The following CYRIB variants were observed in gnomAD, a reference collection of about 807,000 sequenced individuals.
The protein encoded by CYRIB is CYFIP related Rac1 interactor B.
In CYRIB, 8 loss-of-function variants were observed where a neutral mutation model predicts 44.2. The observed-to-expected ratio is 0.18, with a 90% CI of 0.11 to 0.33. CYRIB has a LOEUF of 0.33. Ranked by LOEUF, CYRIB falls within the 10% of genes least tolerant of loss-of-function variation. The pLI is 1.00. For synonymous variants in CYRIB, 131 were observed against 127.2 expected, an observed-to-expected ratio of 1.03 and a Z score of -0.20; for missense variants, 185 against 382.8, an observed-to-expected ratio of 0.48 and a Z score of 4.31.
intron 1 of CYRIB, among the ~76,000 whole-genome samples, chr8:129,998,043 C>T (rs564132927): frequency 2.0e-5 from 3 of 149,998 alleles, no homozygotes; most frequent in African/African-American, 7.4e-5. Flanking sequence ...ATCGTCTGAA[C>T]TCGGGAGGCA....
chr8:129,852,417 T>TA, intron 7 of CYRIB, 139 bp from the exon 10 acceptor site: 3 of 412,976 alleles, frequency 7.3e-6, no homozygotes, highest in Non-Finnish European at 4.2e-6. Flanking sequence ...ATATTCTTTT[T>TA]AAAAAAAAGT....
chr8:129,963,951 C>G (rs1374007256), intron 2 of CYRIB, among the ~76,000 whole-genome samples: 1 of 152,182 alleles, frequency 6.6e-6, no homozygotes, highest in Non-Finnish European at 1.5e-5. Context: ...CACATCACAA[C>G]AGCATCAAAA....
At position 129,911,661 on chromosome 8, in the gene CYRIB, TGTG is replaced by T. The variant is rs57771886; in HGVS notation, c.-49-8314_-49-8312del. 1.1e-4 allele frequency among the ~76,000 whole-genome samples: 17 copies of T among 151,552 alleles called. No individual in the cohort carries two copies. The East Asian group carries it at 3.1e-3, about 28-fold the overall frequency. On this transcript the variant is annotated intron_variant, in intron 1 of 11. Transcript: ENST00000519824. ...CTAAAAATACAAAAATTAGCCCGAC[TGTG>T]GTGGTGTGCAAAAAAAAAACAAAAA...
At chr8:129,863,305 T>C (rs1030665779) in intron 4 of CYRIB, among the ~76,000 whole-genome samples, 5 of 152,136 alleles carry the variant, frequency 3.3e-5, no homozygotes, top group Non-Finnish European at 7.4e-5. Flanking sequence ...GGCAGGCGGA[T>C]CACAAGGTCA....
intron 1 of CYRIB, among the ~76,000 whole-genome samples, chr8:129,980,762 G>A (rs1022218249): frequency 5.3e-5 from 8 of 152,002 alleles, no homozygotes; most frequent in African/African-American, 1.4e-4. Context: ...CAAAAGAATC[G>A]GTTGAGCTCA....
chr8:129,975,932 G>C (rs1209916845), intron 1 of CYRIB, among the ~76,000 whole-genome samples: 1 of 152,146 alleles, frequency 6.6e-6, no homozygotes, highest in East Asian at 1.9e-4. Flanking sequence ...TTCATGTGCA[G>C]CTGGGACTGA....
chr8:129,971,623 A>G (rs16904183), intron 1 of CYRIB, among the ~76,000 whole-genome samples: 9,994 of 152,246 alleles, frequency 0.066, 353 homozygotes, highest in African/African-American at 0.098. Context: ...TGGTGGGGCC[A>G]GCGCTATCCA....
intron 1 of CYRIB, among the ~76,000 whole-genome samples, chr8:129,999,131 G>A (rs949867353): frequency 2.6e-5 from 4 of 152,246 alleles, no homozygotes; most frequent in African/African-American, 2.4e-5. Context: ...AATAACGTGG[G>A]GGGGGTGGGA....
intron 2 of CYRIB, 84 bp from the exon 5 acceptor site, chr8:129,879,555 G>T: frequency 9.9e-7 from 1 of 1,011,338 alleles, no homozygotes; most frequent in South Asian, 1.5e-5. Flanking sequence ...AATAGTAACA[G>T]GGAAAATGTT....
intron 1 of CYRIB, among the ~76,000 whole-genome samples, chr8:129,980,466 TG>T (rs2096180223): frequency 6.6e-6 from 1 of 152,176 alleles, no homozygotes. Context: ...TACGCAGTCT[TG>T]TTTTTCAAGA....
chr8:129,883,604 CCAAA>C (rs543386710), intron 2 of CYRIB, among the ~76,000 whole-genome samples: 9 of 152,044 alleles, frequency 5.9e-5, no homozygotes, highest in Non-Finnish European at 1.0e-4. Context: ...TGGCCAAAAA[CCAAA>C]CAAACAAACA....
chr8:129,998,998 A>C (rs1488265494), intron 1 of CYRIB, among the ~76,000 whole-genome samples: 1 of 152,188 alleles, frequency 6.6e-6, no homozygotes, highest in Non-Finnish European at 1.5e-5. Flanking sequence ...CAGCGCCGAC[A>C]ATCCTCAGCT....
At chr8:129,899,956 C>T (rs1030122439) in intron 2 of CYRIB, among the ~76,000 whole-genome samples, 4 of 152,134 alleles carry the variant, frequency 2.6e-5, no homozygotes, top group Non-Finnish European at 5.9e-5. Flanking sequence ...TTCCCTGGCT[C>T]TGTACACAGC....
At chr8:130,004,551 T>C (rs968617801) in intron 1 of CYRIB, 4 of 152,162 alleles carry the variant, frequency 2.6e-5, no homozygotes, top group African/African-American at 4.8e-5. Flanking sequence ...TTTCTTAGTG[T>C]GGGAAAACTA....
chr8:129,848,891 T>C (rs894089080), intron 10 of CYRIB, among the ~76,000 whole-genome samples: 2 of 152,186 alleles, frequency 1.3e-5, no homozygotes, highest in African/African-American at 2.4e-5. Context: ...ACTTTTTATA[T>C]GCATTCTGAA....
At chr8:129,839,715 AAGCTGTACAAAAACAGACGGTG>A (rs1345528420) in exon 12 of CYRIB, 1 of 152,198 alleles carries the variant, frequency 6.6e-6, no homozygotes, top group Non-Finnish European at 1.5e-5. Context: ...TTTAGCTCAC[AAGCTGTACAAAAACAGACGGTG>A]AGTAAATTGG....
At chr8:129,856,756 G>T (rs555429168) in intron 5 of CYRIB, among the ~76,000 whole-genome samples, 1 of 152,122 alleles carries the variant, frequency 6.6e-6, no homozygotes, top group Non-Finnish European at 1.5e-5. Context: ...CATCAACTAT[G>T]ACATGGTCAT....
At chr8:130,007,279 A>G (rs1021341564) in intron 1 of CYRIB, among the ~76,000 whole-genome samples, 1 of 151,936 alleles carries the variant, frequency 6.6e-6, no homozygotes, top group Non-Finnish European at 1.5e-5. Flanking sequence ...CGGCTACACA[A>G]CTCCATTCAT....
At chr8:129,981,200 T>C (rs1425748352) in intron 1 of CYRIB, among the ~76,000 whole-genome samples, 2 of 151,958 alleles carry the variant, frequency 1.3e-5, no homozygotes, top group Non-Finnish European at 2.9e-5. Flanking sequence ...AGTGCAGTGG[T>C]GCAATCTCGG....
Sources: allele counts gnomAD v4.1 joint callset (sites outside exome capture counted in the v4.1 genomes callset), GRCh38; gene constraint gnomAD v4.1.1; transcripts MANE v1.5; gene names NCBI Gene and HGNC (gene_info 2026-07-23, HGNC 2026-07-21).